Variants in CDH18 observed in about 807,000 individuals in gnomAD.
CDH18 encodes cadherin-18.
A neutral mutation model predicts 67.9 loss-of-function variants in CDH18; 31 were observed. The observed-to-expected ratio is 0.46, with a 90% CI of 0.34 to 0.62. The LOEUF is 0.62. Ranked by LOEUF, CDH18 falls within the 20% of genes least tolerant of loss-of-function variation. The pLI, the probability that CDH18 is intolerant of heterozygous loss-of-function variation, is 0.01. For synonymous variants in CDH18, 362 were observed against 347.2 expected (o/e 1.04, Z -0.48); for missense variants, 890 against 975.5 (o/e 0.91, Z 1.17).
intron 8 of CDH18, among the ~76,000 whole-genome samples, chr5:19,552,547 T>C (rs1737647757): frequency 6.6e-6 from 1 of 152,132 alleles, no homozygotes; most frequent in South Asian, 2.1e-4. Flanking sequence ...AATTGTGACA[T>C]ATAATTCAAA....
At chr5:20,250,785 T>C (rs1432996886) in intron 2 of CDH18, among the ~76,000 whole-genome samples, 1 of 151,838 alleles carries the variant, frequency 6.6e-6, no homozygotes, top group East Asian at 1.9e-4. Flanking sequence ...TTTGTATTTT[T>C]AGTAGAGACA....
chr5:20,334,661 C>A (rs1451535660), intron 1 of CDH18, among the ~76,000 whole-genome samples: 2 of 151,388 alleles, frequency 1.3e-5, no homozygotes, highest in Non-Finnish European at 2.9e-5. Flanking sequence ...ATTTCTATAA[C>A]TAATAATATT....
chr5:20,333,548 C>T (rs1561980323), intron 1 of CDH18, among the ~76,000 whole-genome samples: 2 of 146,556 alleles, frequency 1.4e-5, no homozygotes, highest in Admixed American at 1.4e-4. Flanking sequence ...CACACACACA[C>T]ACATATATGT....
chr5:20,172,214 A>ATATATATACGTATATATATATACG (rs1736831129), intron 2 of CDH18, among the ~76,000 whole-genome samples: 4 of 32,860 alleles, frequency 1.2e-4, no homozygotes, highest in Admixed American at 6.3e-4. Context: ...ATATATATAT[A>ATATATATACGTATATATATATACG]TATATATATG....
chr5:19,563,736 T>G (rs1317633888), intron 8 of CDH18, among the ~76,000 whole-genome samples: 2 of 152,308 alleles, frequency 1.3e-5, no homozygotes, highest in East Asian at 1.9e-4. Context: ...GAACTTTCCA[T>G]GAAACACCTT....
intron 2 of CDH18, among the ~76,000 whole-genome samples, chr5:19,926,608 T>C (rs1793117188): frequency 6.6e-6 from 1 of 152,146 alleles, no homozygotes; most frequent in Non-Finnish European, 1.5e-5. Flanking sequence ...TTCATCTTTC[T>C]AACTAAATAA....
intron 1 of CDH18, among the ~76,000 whole-genome samples, chr5:20,569,900 C>A (rs886860132): frequency 6.6e-6 from 1 of 152,078 alleles, no homozygotes; most frequent in African/African-American, 2.4e-5. Context: ...ACTTTAAATG[C>A]ATGTTGATTA....
chr5:19,788,044 C>T (rs1775997958), intron 3 of CDH18, among the ~76,000 whole-genome samples: 1 of 151,926 alleles, frequency 6.6e-6, no homozygotes, highest in South Asian at 2.1e-4. Flanking sequence ...CTATAAAAAC[C>T]TCTGCCTAAA....
chr5:19,501,560 TTC>T (rs1735611474), intron 11 of CDH18, among the ~76,000 whole-genome samples: 3 of 151,702 alleles, frequency 2.0e-5, no homozygotes, highest in Non-Finnish European at 4.4e-5. Context: ...AGCAAAATTA[TTC>T]TGTTTTTTCT....
intron 1 of CDH18, among the ~76,000 whole-genome samples, chr5:20,458,501 C>T (rs565722035): frequency 1.3e-4 from 20 of 152,002 alleles, no homozygotes; most frequent in Non-Finnish European, 5.9e-5. Flanking sequence ...GCCTGTAGAC[C>T]TAGCTACTCA....
chr5:19,896,089 G>A (rs1324950102), intron 2 of CDH18, among the ~76,000 whole-genome samples: 1 of 152,118 alleles, frequency 6.6e-6, no homozygotes, highest in Non-Finnish European at 1.5e-5. Flanking sequence ...GGACGCAGTG[G>A]CTCACACCTG....
intron 1 of CDH18, among the ~76,000 whole-genome samples, chr5:20,475,795 C>T (rs1383129035): frequency 6.6e-6 from 1 of 152,036 alleles, no homozygotes; most frequent in Non-Finnish European, 1.5e-5. Flanking sequence ...AGGGTTCAGT[C>T]AGGGGAAAAT....
chr5:20,336,071 G>A (rs1739701421), intron 1 of CDH18, among the ~76,000 whole-genome samples: 1 of 152,162 alleles, frequency 6.6e-6, no homozygotes, highest in Non-Finnish European at 1.5e-5. Context: ...CAGATAGGGA[G>A]GGTTTCTTCT....
intron 3 of CDH18, among the ~76,000 whole-genome samples, chr5:19,783,480 G>A (rs915502100): frequency 2.0e-5 from 3 of 152,072 alleles, no homozygotes; most frequent in African/African-American, 7.2e-5. Flanking sequence ...GTGCCTGACA[G>A]GAGTTTAAAT....
At chr5:19,806,500 A>C (rs543215999) in intron 3 of CDH18, among the ~76,000 whole-genome samples, 1 of 152,314 alleles carries the variant, frequency 6.6e-6, no homozygotes, top group Non-Finnish European at 1.5e-5. Context: ...GTACATAATA[A>C]AACTGGGCTC....
intron 1 of CDH18, among the ~76,000 whole-genome samples, chr5:19,982,426 A>T (rs1039906312): frequency 2.5e-5 from 3 of 121,242 alleles, no homozygotes; most frequent in Non-Finnish European, 4.5e-5. Context: ...AAAATTTTTT[A>T]AAAATTATAG....
intron 2 of CDH18, among the ~76,000 whole-genome samples, chr5:20,126,291 C>T (rs546248777): frequency 1.3e-5 from 2 of 152,232 alleles, no homozygotes; most frequent in African/African-American, 4.8e-5. Flanking sequence ...TCTTTTCTTA[C>T]ACAATATACA....
chr5:19,705,478 C>T (rs548584027), intron 5 of CDH18, among the ~76,000 whole-genome samples: 16 of 152,220 alleles, frequency 1.1e-4, no homozygotes, highest in Non-Finnish European at 1.9e-4. Flanking sequence ...GTCTCAGTTG[C>T]CCTCAACAAT....
chr5:19,855,853 GA>G lies in CDH18; in HGVS notation c.-256-16612del, dbSNP rs528446063. ...TGGAAAGTCAGACTTGAAACAAAGG[GA>G]AAAAGACTATCTTTTTCAAAATAAC... On this transcript the variant is annotated intron_variant, in intron 2 of 12. Transcript: ENST00000382275. Among the ~76,000 whole-genome samples the G allele has an allele frequency of 5.7e-3, 874 of 152,192 alleles. 6 individuals are homozygous for G. Among genetic ancestry groups the G allele is most frequent in the African/African-American group, 0.02 (822 of 41,526 alleles).
Sources: allele counts gnomAD v4.1 joint callset (sites outside exome capture counted in the v4.1 genomes callset), GRCh38; gene constraint gnomAD v4.1.1; transcripts MANE v1.5; gene names NCBI Gene and HGNC (gene_info 2026-07-23, HGNC 2026-07-21).